Variants in NR2F1-AS1 observed in about 807,000 individuals in gnomAD.
NR2F1-AS1 encodes NR2F1 antisense RNA 1.
At chr5:93,494,793 G>A (rs1341108879) in intron 4 of NR2F1-AS1, among the ~76,000 whole-genome samples, 1 of 152,184 alleles carries the variant, frequency 6.6e-6, no homozygotes, top group Non-Finnish European at 1.5e-5. Context: ...ACTTGCACAT[G>A]AATGTTTATA....
At chr5:93,550,504 A>AT (rs1426000481) in intron 4 of NR2F1-AS1, among the ~76,000 whole-genome samples, 4 of 152,186 alleles carry the variant, frequency 2.6e-5, no homozygotes, top group African/African-American at 7.2e-5. Context: ...TCTATCACGC[A>AT]TTTTTTAAAT....
chr5:93,436,529 A>G (rs369920168), intron 4 of NR2F1-AS1, among the ~76,000 whole-genome samples: 5 of 152,268 alleles, frequency 3.3e-5, no homozygotes, highest in African/African-American at 7.2e-5. Context: ...AACCACTAAC[A>G]TATTTCAGAC....
Position 93,441,525 on chromosome 5 carries a change from A to T in NR2F1-AS1, n.639-45983T>A, listed in dbSNP as rs557308502. 2.6e-5 allele frequency among the ~76,000 whole-genome samples: 4 copies of T among 152,360 alleles called. No individual in the cohort carries two copies. The South Asian group carries it at 8.3e-4, about 32-fold the overall frequency. ...GTCATTAGTCGGTTGCCCCCAGTTT[A>T]AATTGTCAGAGTTTTCTTTGGCCAC... On this transcript the variant is annotated intron_variant and non_coding_transcript_variant, in intron 4 of 5. Coordinates refer to ENST00000660523, the Ensembl canonical transcript of NR2F1-AS1.
intron 4 of NR2F1-AS1, among the ~76,000 whole-genome samples, chr5:93,457,299 C>T (rs1749972414): frequency 6.6e-6 from 1 of 152,062 alleles, no homozygotes; most frequent in African/African-American, 2.4e-5. Context: ...GTTTTGTGTC[C>T]CCGGGTACTT....
At chr5:93,516,858 C>T (rs1751409680) in intron 4 of NR2F1-AS1, among the ~76,000 whole-genome samples, 1 of 151,892 alleles carries the variant, frequency 6.6e-6, no homozygotes, top group African/African-American at 2.4e-5. Flanking sequence ...AAAGAAATAT[C>T]ACTATTTCAT....
intron 4 of NR2F1-AS1, among the ~76,000 whole-genome samples, chr5:93,423,496 C>G (rs1335366536): frequency 1.3e-5 from 2 of 152,158 alleles, no homozygotes; most frequent in Non-Finnish European, 2.9e-5. Context: ...AGCCTTACCC[C>G]AGCATTATTT....
At chr5:93,453,891 A>G (rs1465035347) in intron 4 of NR2F1-AS1, among the ~76,000 whole-genome samples, 1 of 152,208 alleles carries the variant, frequency 6.6e-6, no homozygotes, top group East Asian at 1.9e-4. Context: ...TAAACCAGAA[A>G]GAAATATAAC....
intron 1 of NR2F1-AS1, among the ~76,000 whole-genome samples, chr5:93,564,149 A>C (rs9764909): frequency 0.02 from 2,633 of 129,254 alleles, 136 homozygotes; most frequent in African/African-American, 0.087. Context: ...AAAAAAAAAA[A>C]ACACACAACT....
intron 4 of NR2F1-AS1, among the ~76,000 whole-genome samples, chr5:93,549,315 C>A (rs1392531310): frequency 6.6e-6 from 1 of 151,932 alleles, no homozygotes; most frequent in African/African-American, 2.4e-5. Context: ...TAAAATATAT[C>A]CTTATAAAGA....
intron 4 of NR2F1-AS1, among the ~76,000 whole-genome samples, chr5:93,515,886 T>C (rs978528749): frequency 5.9e-5 from 9 of 151,904 alleles, no homozygotes; most frequent in South Asian, 4.1e-4. Flanking sequence ...GAAAACAGAG[T>C]ACATCCCTTA....
At chr5:93,446,927 A>C (rs1164615836) in intron 4 of NR2F1-AS1, among the ~76,000 whole-genome samples, 1 of 152,172 alleles carries the variant, frequency 6.6e-6, no homozygotes, top group Non-Finnish European at 1.5e-5. Flanking sequence ...ATCTTTGACA[A>C]ACCTGACAAA....
intron 4 of NR2F1-AS1, among the ~76,000 whole-genome samples, chr5:93,443,068 G>A (rs1749610926): frequency 6.6e-6 from 1 of 152,216 alleles, no homozygotes; most frequent in African/African-American, 2.4e-5. Flanking sequence ...ACCAAAGGTA[G>A]ATAAAACCAC....
intron 4 of NR2F1-AS1, chr5:93,432,454 C>T (rs1402932416): frequency 6.6e-6 from 1 of 152,140 alleles, no homozygotes; most frequent in African/African-American, 2.4e-5. Flanking sequence ...GTAGATAATA[C>T]CTGATGCTAG....
chr5:93,580,611 C>G (rs928634813), exon 1 of NR2F1-AS1: 1 of 153,180 alleles, frequency 6.5e-6, no homozygotes, highest in African/African-American at 2.4e-5. Context: ...CCACTCCCTT[C>G]GTCTCTCTCC....
At chr5:93,577,862 G>A (rs1287004840) in intron 1 of NR2F1-AS1, among the ~76,000 whole-genome samples, 1 of 152,114 alleles carries the variant, frequency 6.6e-6, no homozygotes, top group Non-Finnish European at 1.5e-5. Flanking sequence ...TTGCTAAACA[G>A]AATAATACCA....
intron 4 of NR2F1-AS1, among the ~76,000 whole-genome samples, chr5:93,488,793 G>A (rs2149878903): frequency 6.6e-6 from 1 of 152,252 alleles, no homozygotes; most frequent in South Asian, 2.1e-4. Context: ...AAAGACACAT[G>A]CACACATATG....
At chr5:93,576,746 CT>C (rs1752904944) in intron 1 of NR2F1-AS1, among the ~76,000 whole-genome samples, 1 of 152,142 alleles carries the variant, frequency 6.6e-6, no homozygotes, top group Admixed American at 6.5e-5. Context: ...TGGGCTAATC[CT>C]GTAGTAGAAG....
chr5:93,539,951 T>A, intron 4 of NR2F1-AS1, among the ~76,000 whole-genome samples: 1 of 152,182 alleles, frequency 6.6e-6, no homozygotes, highest in East Asian at 1.9e-4. Context: ...AGTGTCAGTG[T>A]CTCAAGATAC....
At chr5:93,448,063 G>C (rs1486186853) in intron 4 of NR2F1-AS1, among the ~76,000 whole-genome samples, 1 of 152,136 alleles carries the variant, frequency 6.6e-6, no homozygotes, top group African/African-American at 2.4e-5. Context: ...GTGGAGGGAA[G>C]GGGGAGGGAT....
Sources: gnomAD v4.1 joint callset for allele counts (sites outside exome capture counted in the v4.1 genomes callset) on GRCh38, gnomAD v4.1.1 for gene constraint, MANE v1.5 for transcripts, NCBI Gene and HGNC (gene_info 2026-07-23, HGNC 2026-07-21) for gene names.